The following RSRC1 variants were observed in gnomAD, a reference collection of about 807,000 sequenced individuals.
RSRC1 encodes the protein arginine and serine rich coiled-coil 1.
In RSRC1, 39 loss-of-function variants were observed where a neutral mutation model predicts 49.1. That is an observed-to-expected ratio of 0.79 (90% CI 0.61 to 1.04). The LOEUF is 1.04. RSRC1 is among the 50% of genes least tolerant of loss of function. The probability of loss-of-function intolerance (pLI) is 0.00; values close to 1 mark genes in which losing one functional copy is unlikely to be tolerated. For missense variants in RSRC1, 388 were observed against 402.4 expected (o/e 0.96, Z 0.31); for synonymous variants, 143 against 130.8 (o/e 1.09, Z -0.63).
At position 158,462,242 on chromosome 3, in the gene RSRC1, T is replaced by A. The variant is rs1429085064; in HGVS notation, c.652+1239T>A. 9.2e-5 allele frequency among the ~76,000 whole-genome samples: 14 copies of A among 151,936 alleles called. 1 individual carries two copies. Among genetic ancestry groups the A allele is most frequent in the Admixed American group, 8.5e-4 (13 of 15,226 alleles). On this transcript the variant is annotated intron_variant, in intron 7 of 9. Coordinates refer to ENST00000611884, the MANE Select transcript of RSRC1 (RefSeq NM_001271838.2). ...CTTTTGGATCTCTTGGCATTGTTAA[T>A]GAAAGCAAGCTATCTGATTTCAGTT...
chr3:158,289,371 AGTCCTTGGCT>A (rs1726777023), intron 4 of RSRC1, among the ~76,000 whole-genome samples: 1 of 152,230 alleles, frequency 6.6e-6, no homozygotes, highest in African/African-American at 2.4e-5. Context: ...GTGTATCATA[AGTCCTTGGCT>A]GTTTAATATA....
intron 5 of RSRC1, among the ~76,000 whole-genome samples, chr3:158,307,566 T>C (rs1307788659): frequency 1.3e-5 from 2 of 151,872 alleles, no homozygotes; most frequent in African/African-American, 2.4e-5. Context: ...CTAAATATTT[T>C]AGCAATATTT....
chr3:158,470,070 T>C (rs1738059126), intron 7 of RSRC1, among the ~76,000 whole-genome samples: 1 of 151,976 alleles, frequency 6.6e-6, no homozygotes, highest in South Asian at 2.1e-4. Context: ...TATTCAGAGA[T>C]CATTACTCTA....
At chr3:158,458,439 A>C (rs1372253973) in intron 6 of RSRC1, among the ~76,000 whole-genome samples, 1 of 152,146 alleles carries the variant, frequency 6.6e-6, no homozygotes, top group Non-Finnish European at 1.5e-5. Context: ...CAAAAACCGC[A>C]ATTACTTTTG....
At chr3:158,297,553 T>C (rs929992231) in intron 4 of RSRC1, among the ~76,000 whole-genome samples, 8 of 152,030 alleles carry the variant, frequency 5.3e-5, no homozygotes, top group Admixed American at 2.0e-4. Context: ...TACTCACTAA[T>C]GTATTCTTTA....
At position 158,407,963 on chromosome 3, in the gene RSRC1, A is replaced by G. The variant is rs138187447; in HGVS notation, c.584-52972A>G. On this transcript the variant is annotated intron_variant, in intron 6 of 9. Coordinates refer to ENST00000611884, the MANE Select transcript of RSRC1 (RefSeq NM_001271838.2). ...GACAGACAAGAGACAGCTGTTCTGAATTCTAATCCTGGCTTTGCCTTTCAT... is the reference window on the plus strand; with the variant it reads ...GACAGACAAGAGACAGCTGTTCTGAGTTCTAATCCTGGCTTTGCCTTTCAT... Among the ~76,000 whole-genome samples, 25 of 152,320 alleles carry G rather than the reference A, an allele frequency of 1.6e-4. No homozygotes were observed. The East Asian group carries it at 4.4e-3, about 27-fold the overall frequency.
intron 4 of RSRC1, among the ~76,000 whole-genome samples, chr3:158,206,057 T>C (rs1274698331): frequency 1.3e-5 from 2 of 152,188 alleles, no homozygotes; most frequent in African/African-American, 4.8e-5. Context: ...AGTAAAACTA[T>C]TTATAAAAAT....
chr3:158,288,100 T>G (rs1310385913), intron 4 of RSRC1, among the ~76,000 whole-genome samples: 1 of 152,190 alleles, frequency 6.6e-6, no homozygotes, highest in Non-Finnish European at 1.5e-5. Context: ...TTATAAAAAT[T>G]ATTTTAAATT....
At chr3:158,235,024 G>C (rs1723163515) in intron 4 of RSRC1, among the ~76,000 whole-genome samples, 1 of 152,034 alleles carries the variant, frequency 6.6e-6, no homozygotes, top group African/African-American at 2.4e-5. Flanking sequence ...AGAACAGCAG[G>C]GTTACACAGA....
intron 3 of RSRC1, among the ~76,000 whole-genome samples, chr3:158,182,512 C>T (rs893517939): frequency 2.6e-5 from 4 of 151,984 alleles, no homozygotes; most frequent in Non-Finnish European, 5.9e-5. Flanking sequence ...TTTTTTAGTT[C>T]TTGGTGTTCT....
At chr3:158,148,367 G>GTGTGTA (rs1491222714) in intron 3 of RSRC1, among the ~76,000 whole-genome samples, 22 of 22,210 alleles carry the variant, frequency 9.9e-4, no homozygotes, top group African/African-American at 6.0e-3. Context: ...GTGTGTGTGC[G>GTGTGTA]TGTGTGTGTG....
chr3:158,490,214 A>G (rs1267298307), intron 7 of RSRC1, among the ~76,000 whole-genome samples: 3 of 152,130 alleles, frequency 2.0e-5, no homozygotes, highest in Non-Finnish European at 4.4e-5. Context: ...CCTCCCGAGT[A>G]GTTGGTACTA....
At chr3:158,181,126 C>G (rs1316785862) in intron 3 of RSRC1, among the ~76,000 whole-genome samples, 1 of 152,044 alleles carries the variant, frequency 6.6e-6, no homozygotes, top group Non-Finnish European at 1.5e-5. Context: ...TTAAAAGCTC[C>G]CCAGGTAACT....
At chr3:158,338,966 A>G (rs956345564) in intron 5 of RSRC1, among the ~76,000 whole-genome samples, 2 of 152,230 alleles carry the variant, frequency 1.3e-5, no homozygotes, top group African/African-American at 4.8e-5. Context: ...CATTATAAGC[A>G]TATGATAAAT....
At chr3:158,535,954 A>C (rs1369335287) in intron 7 of RSRC1, among the ~76,000 whole-genome samples, 1 of 151,476 alleles carries the variant, frequency 6.6e-6, no homozygotes, top group African/African-American at 2.4e-5. Context: ...ACAGCTGATA[A>C]ATGTGGGAAG....
At chr3:158,377,746 G>A (rs183952383) in intron 6 of RSRC1, among the ~76,000 whole-genome samples, 39 of 150,504 alleles carry the variant, frequency 2.6e-4, no homozygotes, top group Admixed American at 2.3e-3. Flanking sequence ...TGCAACCTCC[G>A]CCCCCTGGGT....
At chr3:158,151,976 T>C (rs958153423) in intron 3 of RSRC1, among the ~76,000 whole-genome samples, 1 of 152,300 alleles carries the variant, frequency 6.6e-6, no homozygotes, top group East Asian at 1.9e-4. Context: ...ATAGATAAGT[T>C]AGAGCCTTTG....
intron 7 of RSRC1, among the ~76,000 whole-genome samples, chr3:158,521,105 A>G (rs1435030478): frequency 6.6e-6 from 1 of 152,188 alleles, no homozygotes; most frequent in African/African-American, 2.4e-5. Context: ...TCCATTCCCG[A>G]AGATCACATA....
At chr3:158,220,403 G>T (rs191045628) in intron 4 of RSRC1, among the ~76,000 whole-genome samples, 2 of 151,648 alleles carry the variant, frequency 1.3e-5, no homozygotes, top group Admixed American at 6.6e-5. Flanking sequence ...GATGGCCAAC[G>T]TCTTTCCAAA....
Sources: gnomAD v4.1 joint callset for allele counts (sites outside exome capture counted in the v4.1 genomes callset) on GRCh38, gnomAD v4.1.1 for gene constraint, MANE v1.5 for transcripts, NCBI Gene and HGNC (gene_info 2026-07-23, HGNC 2026-07-21) for gene names.